PLPP4: variants seen among roughly 807,000 people sequenced by gnomAD.
PLPP4 encodes the protein phospholipid phosphatase 4, also known as diacylglycerol pyrophosphate like 2.
In PLPP4, 20 loss-of-function variants were observed where a neutral mutation model predicts 32.2. That is an observed-to-expected ratio of 0.62 (90% confidence interval 0.44 to 0.90). The LOEUF is 0.90. Among genes scored for constraint, PLPP4 ranks in the 40% least tolerant of loss-of-function variants. PLPP4 has a pLI of 0.00. For synonymous variants in PLPP4, 127 were observed against 133.0 expected, an observed-to-expected ratio of 0.95 and a Z score of 0.31; for missense variants, 257 against 353.1, an observed-to-expected ratio of 0.73 and a Z score of 2.18.
intron 3 of PLPP4, among the ~76,000 whole-genome samples, chr10:120,518,153 A>G (rs1846008033): frequency 6.6e-6 from 1 of 152,208 alleles, no homozygotes; most frequent in Admixed American, 6.5e-5. Flanking sequence ...TCTGTGCTGC[A>G]TCTGGCAAAG....
upstream of PLPP4, chr10:120,457,006 G>C (rs1847806227): frequency 6.2e-6 from 1 of 162,146 alleles, no homozygotes; most frequent in Non-Finnish European, 1.3e-5. Context: ...AGGAGGCGGA[G>C]GCGGCTCCTG....
intron 3 of PLPP4, 96 bp downstream of exon 3, chr10:120,514,097 C>G: frequency 1.0e-6 from 1 of 984,154 alleles, no homozygotes; most frequent in Non-Finnish European, 1.6e-6. Flanking sequence ...TGATTTTTTT[C>G]TTTTGGTCAA....
At chr10:120,570,104 A>G (rs1202016126) in intron 5 of PLPP4, among the ~76,000 whole-genome samples, 1 of 152,148 alleles carries the variant, frequency 6.6e-6, no homozygotes, top group African/African-American at 2.4e-5. Flanking sequence ...CAACCTAATG[A>G]AAAGCTTCCA....
In PLPP4 at chr10:120,589,772, A is replaced by G. The variant is rs1564863179; in HGVS notation, c.*270A>G. On this transcript the variant is annotated 3_prime_UTR_variant, in exon 7 of 7. Coordinates refer to ENST00000398250, the MANE Select transcript of PLPP4 (RefSeq NM_001030059.3). The stretch of plus-strand genomic sequence containing the variant: ...TTTGGGGAGCTTGGCCGATTCGTCT[A>G]TCTGAAATGTTTGCTGTAACAGCCA... 7.4e-6 allele frequency: 3 copies of G among 407,862 alleles called. No individual in the cohort carries two copies. The highest frequency in any genetic ancestry group is 6.3e-4 in the Middle Eastern group (1 of 1,578). The allele number at this position is 407,862 out of a possible 1,614,324, so 25.3% of individuals were successfully genotyped here. A position where few individuals can be genotyped will look rare whatever the true frequency, so the allele number is the denominator to read the frequency against.
intron 1 of PLPP4, among the ~76,000 whole-genome samples, chr10:120,461,818 A>G (rs1277186355): frequency 6.6e-6 from 1 of 152,226 alleles, no homozygotes; most frequent in Non-Finnish European, 1.5e-5. Flanking sequence ...GGCACCTTCT[A>G]GGTGCAAGCA....
intron 1 of PLPP4, among the ~76,000 whole-genome samples, chr10:120,492,284 G>A (rs1040969889): frequency 4.6e-5 from 7 of 152,218 alleles, no homozygotes; most frequent in African/African-American, 1.7e-4. Flanking sequence ...CAAAGGAAAG[G>A]CACCTTCTGT....
At chr10:120,500,804 C>A (rs775124518) in intron 1 of PLPP4, among the ~76,000 whole-genome samples, 1 of 152,100 alleles carries the variant, frequency 6.6e-6, no homozygotes, top group Non-Finnish European at 1.5e-5. Context: ...CTCAACCAAC[C>A]GAATCTCTTT....
rs1237402729 is a variant in PLPP4, at chr10:120,467,440, G to T, written c.56+10079G>T. 7.8e-5 allele frequency among the ~76,000 whole-genome samples: 5 copies of T among 63,924 alleles called. 1 individual carries two copies. The highest frequency in any genetic ancestry group is 1.7e-4 in the African/African-American group (5 of 29,904). 41.9% of individuals were successfully genotyped at this position (63,924 alleles called of 152,430 possible). A position where few individuals can be genotyped will look rare whatever the true frequency, so the allele number is the denominator to read the frequency against. ...CTATCATCACCTTGGTTATAGGAAG[G>T]CAGGGAGGTGGAGAAGGAGACACCT... On this transcript the variant is annotated intron_variant, in intron 1 of 6. Coordinates refer to ENST00000398250, the MANE Select transcript of PLPP4 (RefSeq NM_001030059.3).
intron 5 of PLPP4, among the ~76,000 whole-genome samples, chr10:120,529,893 A>G (rs1846621382): frequency 6.6e-6 from 1 of 152,226 alleles, no homozygotes. Context: ...TTGAGGCTCA[A>G]GTGAGCTATG....
At chr10:120,580,115 C>CA (rs10609637) in intron 6 of PLPP4, among the ~76,000 whole-genome samples, 1,933 of 90,650 alleles carry the variant, frequency 0.021, 36 homozygotes, top group African/African-American at 0.043. Context: ...GCGAGACTCT[C>CA]AAAAAAAAAA....
At chr10:120,465,563 G>A (rs1379168901) in intron 1 of PLPP4, among the ~76,000 whole-genome samples, 1 of 152,158 alleles carries the variant, frequency 6.6e-6, no homozygotes, top group Non-Finnish European at 1.5e-5. Context: ...AAAGCTAGAT[G>A]TTTCTTTCTT....
At chr10:120,571,328 G>A (rs934960052) in intron 5 of PLPP4, among the ~76,000 whole-genome samples, 3 of 151,914 alleles carry the variant, frequency 2.0e-5, no homozygotes, top group African/African-American at 7.3e-5. Flanking sequence ...CTAAGTCTTT[G>A]AATGCTCTTG....
intron 1 of PLPP4, among the ~76,000 whole-genome samples, chr10:120,487,650 T>G (rs1341253654): frequency 6.6e-6 from 1 of 152,210 alleles, no homozygotes; most frequent in Non-Finnish European, 1.5e-5. Flanking sequence ...AAGTGTATAA[T>G]TCAGCACCTG....
chr10:120,475,215 A>G (rs1405307038), intron 1 of PLPP4, among the ~76,000 whole-genome samples: 1 of 151,692 alleles, frequency 6.6e-6, no homozygotes, highest in Admixed American at 6.6e-5. Context: ...CTTAGGGATT[A>G]TTATATCCAT....
chr10:120,534,986 G>A (rs1846946034), intron 5 of PLPP4, among the ~76,000 whole-genome samples: 1 of 152,070 alleles, frequency 6.6e-6, no homozygotes, highest in Non-Finnish European at 1.5e-5. Context: ...TTCTCCTGGT[G>A]TGTGATCAGA....
intron 2 of PLPP4, among the ~76,000 whole-genome samples, chr10:120,512,472 A>T (rs1331944880): frequency 6.6e-6 from 1 of 152,190 alleles, no homozygotes. Context: ...GGCTTTTTTC[A>T]TGTCTCATAC....
At chr10:120,500,261 G>T (rs1393221412) in intron 1 of PLPP4, among the ~76,000 whole-genome samples, 1 of 152,194 alleles carries the variant, frequency 6.6e-6, no homozygotes, top group South Asian at 2.1e-4. Flanking sequence ...AAGGTGCTCT[G>T]TGGTGTACCT....
At chr10:120,516,732 A>T (rs983334430) in intron 3 of PLPP4, among the ~76,000 whole-genome samples, 1 of 152,166 alleles carries the variant, frequency 6.6e-6, no homozygotes, top group Non-Finnish European at 1.5e-5. Context: ...CCACTGGGTT[A>T]TTGCTAATGA....
At chr10:120,489,826 C>T (rs899199215) in intron 1 of PLPP4, among the ~76,000 whole-genome samples, 3 of 152,158 alleles carry the variant, frequency 2.0e-5, no homozygotes, top group African/African-American at 4.8e-5. Flanking sequence ...TGCCAGCTTC[C>T]GATTAAAGAT....
Sources: gnomAD v4.1 joint callset for allele counts (sites outside exome capture counted in the v4.1 genomes callset) on GRCh38, gnomAD v4.1.1 for gene constraint, MANE v1.5 for transcripts, NCBI Gene and HGNC (gene_info 2026-07-23, HGNC 2026-07-21) for gene names.